The following SLX9 variants were observed in gnomAD, a reference collection of about 807,000 sequenced individuals.
SLX9 encodes the protein ribosome biogenesis protein SLX9 homolog.
In SLX9, 19 loss-of-function variants were observed where a neutral mutation model predicts 20.8. That is an observed-to-expected ratio of 0.91 (90% CI 0.64 to 1.34). The LOEUF (loss-of-function observed/expected upper bound fraction) is 1.34. Ranked by LOEUF, SLX9 falls within the 40% of genes most tolerant of loss-of-function variation. SLX9 has a pLI of 0.00. For missense variants in SLX9, 299 were observed against 322.2 expected, an observed-to-expected ratio of 0.93 and a Z score of 0.55; for synonymous variants, 113 against 137.1, an observed-to-expected ratio of 0.82 and a Z score of 1.23.
chr21:44,976,164 T>A lies in SLX9; in HGVS notation c.570-516T>A, dbSNP rs532933530. 2.7e-3 allele frequency among the ~76,000 whole-genome samples: 405 copies of A among 152,294 alleles called. 1 individual carries two copies. Among genetic ancestry groups the A allele is most frequent in the African/African-American group, 9.2e-3 (383 of 41,542 alleles). On this transcript the variant is annotated intron_variant, in intron 5 of 5. Transcript: ENST00000291634. ...CGCGGGGTTTAGAGCAGGAGCTGAG[T>A]GGCCGCCGGGCTGGGTGGCGGCTGG...
At chr21:44,942,756 G>A (rs539031814) in intron 1 of SLX9, among the ~76,000 whole-genome samples, 13 of 152,266 alleles carry the variant, frequency 8.5e-5, no homozygotes, top group African/African-American at 3.1e-4. Context: ...GAACGGAGGT[G>A]GTTGTGGAAA....
chr21:44,973,031 C>T (rs577900507), intron 4 of SLX9, 166 bp from the exon 5 acceptor site: 12 of 169,604 alleles, frequency 7.1e-5, no homozygotes, highest in African/African-American at 1.4e-4. Context: ...GTCCAGGTCT[C>T]GCCTCCATGG....
intron 2 of SLX9, among the ~76,000 whole-genome samples, chr21:44,945,130 T>C (rs2084619337): frequency 6.6e-6 from 1 of 152,198 alleles, no homozygotes; most frequent in Non-Finnish European, 1.5e-5. Flanking sequence ...AGCTCCATTG[T>C]CCACAAAGCG....
intron 5 of SLX9, among the ~76,000 whole-genome samples, chr21:44,974,396 T>C (rs987845098): frequency 6.6e-5 from 10 of 152,210 alleles, no homozygotes; most frequent in Non-Finnish European, 1.2e-4. Flanking sequence ...AAGATTTCTT[T>C]ATTGTCTCGG....
chr21:44,941,013 T>TGAACCTTTG (rs1386731448), intron 1 of SLX9, among the ~76,000 whole-genome samples: 1 of 152,182 alleles, frequency 6.6e-6, no homozygotes, highest in African/African-American at 2.4e-5. Flanking sequence ...GAGGTGCTTT[T>TGAACCTTTG]GAACCTTTCC....
At chr21:44,968,204 C>A (rs1038050642) in intron 4 of SLX9, among the ~76,000 whole-genome samples, 1 of 146,254 alleles carries the variant, frequency 6.8e-6, no homozygotes, top group Non-Finnish European at 1.5e-5. Flanking sequence ...ACCCCGCCAC[C>A]CAGTGACGCA....
chr21:44,973,121 G>A (rs2085187089), intron 4 of SLX9, 76 bp from the exon 5 acceptor site: 3 of 1,538,282 alleles, frequency 2.0e-6, no homozygotes, highest in Non-Finnish European at 2.7e-6. Flanking sequence ...TAAGAAGGGA[G>A]GAGCCAGCCT....
intron 5 of SLX9, among the ~76,000 whole-genome samples, 167 bp from the exon 6 acceptor site, chr21:44,976,513 C>T (rs932822656): frequency 6.6e-6 from 1 of 152,182 alleles, no homozygotes; most frequent in South Asian, 2.1e-4. Flanking sequence ...GAGGAGGGCC[C>T]GGGGCAGCCT....
chr21:44,971,625 C>T (rs992727309), intron 4 of SLX9, among the ~76,000 whole-genome samples: 1 of 135,488 alleles, frequency 7.4e-6, no homozygotes, highest in African/African-American at 2.8e-5. Flanking sequence ...GGAAGGATGT[C>T]CTGGACCCGG....
At chr21:44,952,377 C>T (rs543089015) in intron 2 of SLX9, among the ~76,000 whole-genome samples, 145 of 152,400 alleles carry the variant, frequency 9.5e-4, no homozygotes, top group African/African-American at 3.2e-3. Flanking sequence ...GAGCTGTCTG[C>T]TGTCAGGGCT....
chr21:44,950,260 A>G lies in SLX9; in HGVS notation c.283+6423A>G, dbSNP rs571431492. ...TCAAAAAAAAAAAATCCCTTTTTTA[A>G]GACCTTTTTTTACAGTTGTGAAGTC... On this transcript the variant is annotated intron_variant, in intron 2 of 5. Coordinates refer to ENST00000291634, the MANE Select transcript of SLX9 (RefSeq NM_058190.4). Among the ~76,000 whole-genome samples the G allele has an allele frequency of 2.7e-4, 39 of 146,928 alleles. No homozygotes were observed. The South Asian group carries it at 3.8e-3, about 14-fold the overall frequency.
intron 1 of SLX9, 134 bp downstream of exon 1, chr21:44,940,320 C>T (rs1362152922): frequency 8.7e-7 from 1 of 1,154,200 alleles, no homozygotes; most frequent in Non-Finnish European, 1.1e-6. Flanking sequence ...GCGCTACAGA[C>T]GCGACCTTCT....
At chr21:44,965,957 T>C (rs1370509738) in intron 3 of SLX9, among the ~76,000 whole-genome samples, 4 of 152,104 alleles carry the variant, frequency 2.6e-5, no homozygotes, top group African/African-American at 9.7e-5. Context: ...ATTCTTACCT[T>C]ATAAACCCCC....
chr21:44,966,494 A>AC (rs1352952509), intron 3 of SLX9, among the ~76,000 whole-genome samples: 1 of 152,008 alleles, frequency 6.6e-6, no homozygotes, highest in African/African-American at 2.4e-5. Context: ...CCAAGGCCAT[A>AC]CCCCTTCTGT....
rs1307090146 is a variant in SLX9, at chr21:44,976,892, G to A, written c.*89G>A. The A allele has an allele frequency of 1.3e-6, 2 of 1,505,682 alleles. No homozygotes were observed. The highest frequency in any genetic ancestry group is 1.8e-6 in the Non-Finnish European group (2 of 1,125,866). The allele number at this position is 1,505,682 out of a possible 1,614,324, so 93.3% of individuals were successfully genotyped here. A position where few individuals can be genotyped will look rare whatever the true frequency, so the allele number is the denominator to read the frequency against. ...CCTCAAGGACCATGGCCTGAGCCTG[G>A]TGGACGCCCTTCCCTCTGGTCGGTT... On this transcript the variant is annotated 3_prime_UTR_variant, in exon 6 of 6. Transcript: ENST00000291634.
intron 2 of SLX9, 138 bp from the exon 3 acceptor site, chr21:44,959,962 G>A: frequency 2.7e-6 from 2 of 736,538 alleles, no homozygotes; most frequent in Non-Finnish European, 2.4e-6. Context: ...AGAGCCGGGA[G>A]TCTGAGAGGC....
intron 3 of SLX9, among the ~76,000 whole-genome samples, chr21:44,962,022 T>G (rs1311732625): frequency 6.6e-6 from 1 of 152,242 alleles, no homozygotes; most frequent in African/African-American, 2.4e-5. Flanking sequence ...TTTACAATCT[T>G]TATTACATAA....
At position 44,968,938 on chromosome 21, in the gene SLX9, G is replaced by A. The variant is rs182722173; in HGVS notation, c.500+1757G>A. On this transcript the variant is annotated intron_variant, in intron 4 of 5. Transcript: ENST00000291634. ...CTGGCTAATTTTTTGTATTTTTAGC[G>A]GAGACGGGGTTTCACCGTGTTAGCC... is the stretch of plus-strand genomic sequence containing the variant. Among the ~76,000 whole-genome samples the A allele has an allele frequency of 1.2e-3, 177 of 152,142 alleles. 4 individuals carry two copies. The East Asian group carries it at 0.032, about 28-fold the overall frequency.
chr21:44,949,929 C>G (rs575317334), intron 2 of SLX9, among the ~76,000 whole-genome samples: 2 of 152,222 alleles, frequency 1.3e-5, no homozygotes, highest in African/African-American at 4.8e-5. Flanking sequence ...CCCTGGTGAT[C>G]TGGCCAGCAG....
Sources: gnomAD v4.1 joint callset for allele counts (sites outside exome capture counted in the v4.1 genomes callset) on GRCh38, gnomAD v4.1.1 for gene constraint, MANE v1.5 for transcripts, NCBI Gene and HGNC (gene_info 2026-07-23, HGNC 2026-07-21) for gene names.